The following CSMD1 variants were observed in gnomAD, a reference collection of about 807,000 sequenced individuals.
CSMD1 encodes CUB and Sushi multiple domains 1.
A neutral mutation model predicts 417.5 loss-of-function variants in CSMD1; 213 were observed. That is an observed-to-expected ratio of 0.51 (90% CI 0.46 to 0.57). The LOEUF (loss-of-function observed/expected upper bound fraction) is 0.57, where lower values mean the gene tolerates loss of function less well. Ranked by LOEUF, CSMD1 falls within the 20% of genes least tolerant of loss-of-function variation. CSMD1 has a pLI of 0.00. For synonymous variants in CSMD1, 2,862 were observed against 1,736.8 expected, an observed-to-expected ratio of 1.65 and a Z score of -16.11; for missense variants, 6,923 against 4,529.7, an observed-to-expected ratio of 1.53 and a Z score of -15.17.
At position 3,437,999 on chromosome 8, in the gene CSMD1, C is replaced by T. The variant is rs901576465; in HGVS notation, c.1562-28394G>A. 7.2e-5 allele frequency among the ~76,000 whole-genome samples: 11 copies of T among 152,150 alleles called. No homozygotes were observed. In the South Asian group the frequency reaches 2.1e-3, roughly 29 times the overall value. On this transcript the variant is annotated intron_variant, in intron 12 of 69. Coordinates refer to ENST00000635120, the MANE Select transcript of CSMD1 (RefSeq NM_033225.6). ...CAGATGATCCGCTCACCTCAGCCTCCCAAAGTACTGATACCTATTTCTAAA... is the reference window on the plus strand; with the variant it reads ...CAGATGATCCGCTCACCTCAGCCTCTCAAAGTACTGATACCTATTTCTAAA...
At chr8:4,891,759 CTAGT>C (rs1804139983) in intron 1 of CSMD1, among the ~76,000 whole-genome samples, 2 of 152,034 alleles carry the variant, frequency 1.3e-5, no homozygotes, top group Admixed American at 1.3e-4. Context: ...CCAAAACTCC[CTAGT>C]TATTTCAGTC....
At chr8:3,915,533 C>A (rs1025214300) in intron 5 of CSMD1, among the ~76,000 whole-genome samples, 1 of 151,054 alleles carries the variant, frequency 6.6e-6, no homozygotes, top group African/African-American at 2.4e-5. Context: ...ATCATACGAT[C>A]AAATTCTAGC....
chr8:4,139,649 C>A (rs1234499501), intron 3 of CSMD1, among the ~76,000 whole-genome samples: 1 of 151,124 alleles, frequency 6.6e-6, no homozygotes, highest in East Asian at 1.9e-4. Flanking sequence ...CCAGCAGATG[C>A]AAGGGCAAAG....
chr8:2,943,418 G>C (rs1413398241), intron 68 of CSMD1, among the ~76,000 whole-genome samples: 2 of 151,930 alleles, frequency 1.3e-5, no homozygotes, highest in African/African-American at 4.8e-5. Flanking sequence ...ACTAGAGATG[G>C]GGTTTCACCA....
At chr8:4,820,471 A>C (rs1023861088) in intron 1 of CSMD1, among the ~76,000 whole-genome samples, 2 of 152,192 alleles carry the variant, frequency 1.3e-5, no homozygotes, top group African/African-American at 2.4e-5. Context: ...TGTCAATGTT[A>C]ACAAAAAGCC....
At chr8:4,592,964 T>C (rs143296355) in intron 2 of CSMD1, among the ~76,000 whole-genome samples, 28 of 152,346 alleles carry the variant, frequency 1.8e-4, no homozygotes, top group African/African-American at 6.7e-4. Context: ...TTTCTTTCTA[T>C]ATGTGTTTTC....
chr8:4,757,433 C>T (rs1227494470), intron 1 of CSMD1, among the ~76,000 whole-genome samples: 1 of 152,096 alleles, frequency 6.6e-6, no homozygotes, highest in South Asian at 2.1e-4. Flanking sequence ...GAGCTGTGAT[C>T]CTGGAGAGCA....
intron 1 of CSMD1, among the ~76,000 whole-genome samples, chr8:4,819,631 T>C (rs1192165814): frequency 1.3e-5 from 2 of 152,214 alleles, no homozygotes; most frequent in East Asian, 3.9e-4. Context: ...GAATATCAAA[T>C]ACTCCATCAA....
intron 5 of CSMD1, among the ~76,000 whole-genome samples, chr8:3,957,643 C>T (rs1812047883): frequency 6.6e-6 from 1 of 151,656 alleles, no homozygotes; most frequent in Non-Finnish European, 1.5e-5. Context: ...ATAGTCATGC[C>T]ACTGCACTCC....
At chr8:4,902,754 G>A (rs1804969851) in intron 1 of CSMD1, among the ~76,000 whole-genome samples, 1 of 151,832 alleles carries the variant, frequency 6.6e-6, no homozygotes, top group Non-Finnish European at 1.5e-5. Context: ...TCTCCCTCTG[G>A]CCTCTGTAGC....
At chr8:3,930,321 C>G (rs113989782) in intron 5 of CSMD1, among the ~76,000 whole-genome samples, 4,445 of 150,630 alleles carry the variant, frequency 0.03, 408 homozygotes, top group African/African-American at 0.1. Flanking sequence ...TGTGCTAACA[C>G]TCTTAAATAT....
intron 22 of CSMD1, among the ~76,000 whole-genome samples, chr8:3,347,178 G>A (rs956296320): frequency 1.3e-5 from 2 of 152,342 alleles, no homozygotes; most frequent in East Asian, 3.9e-4. Flanking sequence ...CCTGTGGGCC[G>A]CGGGTTGGAC....
chr8:3,895,190 T>C (rs988430138), intron 5 of CSMD1, among the ~76,000 whole-genome samples: 2 of 152,208 alleles, frequency 1.3e-5, no homozygotes, highest in African/African-American at 2.4e-5. Flanking sequence ...AAGTTTCCTG[T>C]TACTAAGAAA....
chr8:2,954,216 A>T lies in CSMD1; in HGVS notation c.10039+8T>A. ...GATTGAAATCTAGAACTGTTCTGGT[A>T]TACAAACCTGGAGTTTTAGTAACTG... On this transcript the variant is annotated splice_region_variant and intron_variant, in intron 65 of 69. Coordinates refer to ENST00000635120, the MANE Select transcript of CSMD1 (RefSeq NM_033225.6). 6.7e-7 allele frequency: 1 copy of T among 1,481,896 alleles called. No individual in the cohort carries two copies. The highest frequency in any genetic ancestry group is 1.4e-5 in the African/African-American group (1 of 71,478). 91.8% of individuals were successfully genotyped at this position (1,481,896 alleles called of 1,614,324 possible).
At chr8:3,140,375 C>T (rs1023544988) in intron 41 of CSMD1, among the ~76,000 whole-genome samples, 5 of 152,030 alleles carry the variant, frequency 3.3e-5, no homozygotes, top group Non-Finnish European at 7.4e-5. Flanking sequence ...TTTTCTCTCT[C>T]GTGCTTCAAG....
chr8:3,144,533 A>G (rs1254888342), intron 40 of CSMD1, among the ~76,000 whole-genome samples: 2 of 152,070 alleles, frequency 1.3e-5, no homozygotes, highest in African/African-American at 2.4e-5. Flanking sequence ...GTCCAAGTCT[A>G]TAGACCGGTA....
At chr8:4,697,108 G>T (rs1476420836) in intron 1 of CSMD1, among the ~76,000 whole-genome samples, 1 of 152,090 alleles carries the variant, frequency 6.6e-6, no homozygotes, top group Non-Finnish European at 1.5e-5. Context: ...GGAGGGGGAG[G>T]TTGCAGTGAG....
intron 2 of CSMD1, among the ~76,000 whole-genome samples, chr8:4,552,972 C>G (rs1797936976): frequency 6.6e-6 from 1 of 152,206 alleles, no homozygotes; most frequent in African/African-American, 2.4e-5. Context: ...TCTCTTGTAC[C>G]TTGCTTATGT....
At chr8:3,291,516 T>A (rs1803558831) in intron 25 of CSMD1, among the ~76,000 whole-genome samples, 2 of 152,212 alleles carry the variant, frequency 1.3e-5, no homozygotes, top group South Asian at 4.1e-4. Context: ...CTGTTATTGG[T>A]CTATTCAGAG....
Sources: allele counts gnomAD v4.1 joint callset (sites outside exome capture counted in the v4.1 genomes callset), GRCh38; gene constraint gnomAD v4.1.1; transcripts MANE v1.5; gene names NCBI Gene and HGNC (gene_info 2026-07-23, HGNC 2026-07-21).